GPCPD1: variants seen among roughly 807,000 people sequenced by gnomAD.
GPCPD1 encodes glycerophosphocholine phosphodiesterase GPCPD1.
A neutral mutation model predicts 89.2 loss-of-function variants in GPCPD1; 29 were observed. The ratio of observed to expected loss-of-function variants is 0.33; its 90% CI spans 0.24 to 0.44. The LOEUF is 0.44. Ranked by LOEUF, GPCPD1 falls within the 20% of genes least tolerant of loss-of-function variation. GPCPD1 has a pLI of 1.00. For missense variants in GPCPD1, 594 were observed against 808.9 expected (o/e 0.73, Z 3.22); for synonymous variants, 258 against 266.3 (o/e 0.97, Z 0.30).
intron 16 of GPCPD1, 67 bp downstream of exon 16, chr20:5,561,398 C>A: frequency 2.4e-6 from 2 of 829,014 alleles, no homozygotes; most frequent in South Asian, 1.6e-5. Context: ...AATACAAAGA[C>A]AGGAATGAAA....
chr20:5,584,310 A>T lies in GPCPD1; in HGVS notation c.320T>A (p.Ile107Asn). The T allele has an allele frequency of 7.1e-7, 1 of 1,416,748 alleles. No individual in the cohort carries two copies. Among genetic ancestry groups the T allele is most frequent in the Non-Finnish European group, 1.0e-6 (1 of 1,003,750 alleles). The allele number at this position is 1,416,748 out of a possible 1,614,324, so 87.8% of individuals were successfully genotyped here. The change falls in exon 6 of 20, where the codon ATT becomes AAT. Residue 107 changes from isoleucine to asparagine, a missense_variant. Physicochemically the swap from Ile to Asn is moderately radical, Grantham distance 149 (BLOSUM62 -3). Coordinates refer to ENST00000379019, the MANE Select transcript of GPCPD1 (RefSeq NM_019593.5). ...GATTCCAAATTGTCCATCGTCAATA[A>T]TAATTTCGCTTTCTAGAATTTAAGG... Reference protein sequence around the residue: ...RSITPLESEIIIDDGQFGIHN... With the variant: ...RSITPLESEINIDDGQFGIHN...
Position 5,544,626 on chromosome 20 carries a change from A to G in GPCPD1, c.*3035T>C, listed in dbSNP as rs1344954917. On this transcript the variant is annotated 3_prime_UTR_variant, in exon 20 of 20. Transcript: ENST00000379019. Reference sequence around the variant, plus strand: ...AATGCCAGACTTCGGAAGGCAGCGTAGTTTGAGAACATGGGATTCAGAGTC... The same window carrying G: ...AATGCCAGACTTCGGAAGGCAGCGTGGTTTGAGAACATGGGATTCAGAGTC... The G allele has an allele frequency of 6.6e-6, 1 of 152,284 alleles. No homozygotes were observed. The highest frequency in any genetic ancestry group is 2.4e-5 in the African/African-American group (1 of 41,468). 9.4% of individuals were successfully genotyped at this position (152,284 alleles called of 1,614,324 possible). A position where few individuals can be genotyped will look rare whatever the true frequency, so the allele number is the denominator to read the frequency against.
intron 5 of GPCPD1, 191 bp downstream of exon 5, chr20:5,586,003 A>G (rs1978894830): frequency 2.3e-6 from 1 of 434,208 alleles, no homozygotes; most frequent in African/African-American, 2.0e-5. Flanking sequence ...ATTTCTAATA[A>G]AGTTTATTTT....
Position 5,566,728 on chromosome 20 carries a change from C to G in GPCPD1, c.1267+5G>C. 6.5e-7 allele frequency: 1 copy of G among 1,533,744 alleles called. No homozygotes were observed. The highest frequency in any genetic ancestry group is 1.4e-5 in the African/African-American group (1 of 73,490). On this transcript the variant is annotated splice_donor_5th_base_variant and intron_variant, in intron 14 of 19. Transcript: ENST00000379019. ...GGAAAACAGTGTTTCCATATTGGTACATACCTTTCCGATCCTTAGATTTCA... is the reference window on the plus strand; with the variant it reads ...GGAAAACAGTGTTTCCATATTGGTAGATACCTTTCCGATCCTTAGATTTCA...
intron 6 of GPCPD1, among the ~76,000 whole-genome samples, chr20:5,581,201 T>C (rs189963157): frequency 3.3e-5 from 5 of 152,274 alleles, no homozygotes; most frequent in East Asian, 1.9e-4. Flanking sequence ...TAATAATACA[T>C]TGAGGTTACA....
At chr20:5,570,283 C>G (rs765117146) in intron 11 of GPCPD1, 44 bp from the exon 12 acceptor site, 5 of 924,126 alleles carry the variant, frequency 5.4e-6, no homozygotes, top group South Asian at 1.4e-5. Context: ...GCCTGGTACA[C>G]AGTACCTCTC....
At chr20:5,561,243 C>T (rs1014409196) in intron 16 of GPCPD1, among the ~76,000 whole-genome samples, 1 of 152,198 alleles carries the variant, frequency 6.6e-6, no homozygotes, top group African/African-American at 2.4e-5. Context: ...CACATGTAAA[C>T]TGAAATTTCT....
intron 5 of GPCPD1, 40 bp downstream of exon 5, chr20:5,586,154 T>A: frequency 1.0e-6 from 1 of 981,474 alleles, no homozygotes; most frequent in Non-Finnish European, 1.6e-6. Context: ...ATTAGTAACT[T>A]TATGCATATG....
chr20:5,588,900 G>A (rs1344837760), intron 4 of GPCPD1, among the ~76,000 whole-genome samples: 3 of 152,180 alleles, frequency 2.0e-5, no homozygotes, highest in Middle Eastern at 3.4e-3. Flanking sequence ...AAGAGGTAAC[G>A]GCATAGCAGA....
At position 5,546,465 on chromosome 20, in the gene GPCPD1, A is replaced by G. The variant is rs1985029399; in HGVS notation, c.*1196T>C. ...CACCTTCTTGAAATTTCATTTTGTA[A>G]TGAAGAAAATAAATCTGTATCATTT... On this transcript the variant is annotated 3_prime_UTR_variant, in exon 20 of 20. Transcript: ENST00000379019. 6.6e-6 allele frequency: 1 copy of G among 152,224 alleles called. No homozygotes were observed. Among genetic ancestry groups the G allele is most frequent in the South Asian group, 2.1e-4 (1 of 4,838 alleles). The allele number at this position is 152,224 out of a possible 1,614,324, so 9.4% of individuals were successfully genotyped here. A position where few individuals can be genotyped will look rare whatever the true frequency, so the allele number is the denominator to read the frequency against.
chr20:5,581,810 T>C (rs930155621), intron 6 of GPCPD1, among the ~76,000 whole-genome samples: 1 of 139,504 alleles, frequency 7.2e-6, no homozygotes, highest in Non-Finnish European at 1.5e-5. Flanking sequence ...TTGTGGGACT[T>C]TAACTTTTTT....
intron 3 of GPCPD1, among the ~76,000 whole-genome samples, chr20:5,595,735 A>C (rs1979672117): frequency 6.6e-6 from 1 of 151,542 alleles, no homozygotes; most frequent in Non-Finnish European, 1.5e-5. Context: ...CCTTTTCAAC[A>C]GAGGTTTCCA....
At chr20:5,601,130 C>T (rs1256778142) in intron 2 of GPCPD1, among the ~76,000 whole-genome samples, 4 of 151,916 alleles carry the variant, frequency 2.6e-5, no homozygotes, top group Admixed American at 6.6e-5. Context: ...TTGCAGTGAG[C>T]CAAGATTGCA....
At chr20:5,593,202 A>T in intron 4 of GPCPD1, 125 bp downstream of exon 4, 3 of 564,670 alleles carry the variant, frequency 5.3e-6, no homozygotes, top group Non-Finnish European at 9.7e-6. Flanking sequence ...AAATTTTATT[A>T]ATCAAGAGTT....
intron 3 of GPCPD1, among the ~76,000 whole-genome samples, chr20:5,597,154 CA>C (rs1979789223): frequency 6.6e-6 from 1 of 152,070 alleles, no homozygotes; most frequent in Non-Finnish European, 1.5e-5. Context: ...TACTATTTAC[CA>C]ACAGAACTCT....
intron 11 of GPCPD1, among the ~76,000 whole-genome samples, chr20:5,571,955 C>T (rs763472132): frequency 2.6e-5 from 4 of 151,582 alleles, no homozygotes; most frequent in Non-Finnish European, 5.9e-5. Flanking sequence ...CATGATGGTT[C>T]ATGCCTGTAA....
Position 5,580,054 on chromosome 20 carries a change from G to T in GPCPD1, c.427C>A (p.Pro143Thr). Reference sequence around the variant, plus strand: ...TTTTTCTTGGTTATTGACACAGGAGGTTTTTCAGAATAATGCAAACGTAAT... The same window carrying T: ...TTTTTCTTGGTTATTGACACAGGAGTTTTTTCAGAATAATGCAAACGTAAT... ...IRLRLHYSEK[P>T]PVSITKKKLK... Residue 143 changes from proline (P) to threonine (T), a missense_variant, in exon 7 of 20, where the codon CCT becomes ACT. Pro to Thr is a conservative substitution (Grantham distance 38). Coordinates refer to ENST00000379019, the MANE Select transcript of GPCPD1 (RefSeq NM_019593.5). 6.6e-7 allele frequency: 1 copy of T among 1,524,048 alleles called. No homozygotes were observed. The highest frequency in any genetic ancestry group is 1.1e-5 in the South Asian group (1 of 88,806). 94.4% of individuals were successfully genotyped at this position (1,524,048 alleles called of 1,614,324 possible). A position where few individuals can be genotyped will look rare whatever the true frequency, so the allele number is the denominator to read the frequency against.
chr20:5,552,695 G>A (rs935348788), intron 19 of GPCPD1, among the ~76,000 whole-genome samples: 8 of 152,194 alleles, frequency 5.3e-5, no homozygotes, highest in South Asian at 4.1e-4. Context: ...AGCGCTATGC[G>A]TCACTCATGC....
chr20:5,561,070 T>C (rs1986051508), intron 16 of GPCPD1, among the ~76,000 whole-genome samples: 1 of 152,246 alleles, frequency 6.6e-6, no homozygotes, highest in South Asian at 2.1e-4. Flanking sequence ...AGAAATTTTT[T>C]TCCTGAATAA....
Sources: allele counts gnomAD v4.1 joint callset (sites outside exome capture counted in the v4.1 genomes callset), GRCh38; gene constraint gnomAD v4.1.1; transcripts MANE v1.5; gene names NCBI Gene and HGNC (gene_info 2026-07-23, HGNC 2026-07-21).